STARD13: variants seen among roughly 807,000 people sequenced by gnomAD.
STARD13 encodes StAR related lipid transfer domain containing 13.
In STARD13, 62 loss-of-function variants were observed where a neutral mutation model predicts 106.4. The observed-to-expected ratio is 0.58, with a 90% CI of 0.48 to 0.72. The LOEUF is 0.72. Among genes scored for constraint, STARD13 ranks in the 30% least tolerant of loss-of-function variants. STARD13 has a pLI of 0.00. For missense variants in STARD13, 1,387 were observed against 1,424.0 expected, an observed-to-expected ratio of 0.97 and a Z score of 0.42; for synonymous variants, 565 against 553.0, an observed-to-expected ratio of 1.02 and a Z score of -0.31.
intron 4 of STARD13, among the ~76,000 whole-genome samples, chr13:33,134,350 A>T (rs895113428): frequency 8.5e-5 from 13 of 152,218 alleles, no homozygotes; most frequent in Admixed American, 8.5e-4. Flanking sequence ...GCACATCCAA[A>T]GCTGTCCTGG....
At chr13:33,636,725 C>G in the STARD13 span, among the ~76,000 whole-genome samples, 1 of 152,290 alleles carries the variant, frequency 6.6e-6, no homozygotes, top group East Asian at 1.9e-4. Flanking sequence ...AAATGAGTCA[C>G]AACAAGAAAG....
At chr13:33,357,012 T>A in the STARD13 span, among the ~76,000 whole-genome samples, 6 of 152,212 alleles carry the variant, frequency 3.9e-5, no homozygotes, top group Admixed American at 3.9e-4. Flanking sequence ...TATGTGAGAG[T>A]GTTTTATAAT....
chr13:33,385,126 A>AATATAT, the STARD13 span, among the ~76,000 whole-genome samples: 5 of 129,914 alleles, frequency 3.8e-5, no homozygotes, highest in African/African-American at 1.4e-4. Context: ...AAAGGTTCGG[A>AATATAT]ATATATATAT....
intron 1 of STARD13, among the ~76,000 whole-genome samples, chr13:33,300,856 G>A (rs1182381162): frequency 6.6e-6 from 1 of 152,054 alleles, no homozygotes; most frequent in Non-Finnish European, 1.5e-5. Flanking sequence ...CCTCCTTCTT[G>A]GTCTCTGTAT....
intron 1 of STARD13, among the ~76,000 whole-genome samples, chr13:33,239,926 G>T (rs1010735708): frequency 5.3e-5 from 8 of 151,940 alleles, no homozygotes; most frequent in Non-Finnish European, 1.0e-4. Context: ...TTTTTGCTTT[G>T]CTGCCTGTGT....
chr13:33,232,544 G>A (rs954958729), intron 1 of STARD13, among the ~76,000 whole-genome samples: 4 of 152,060 alleles, frequency 2.6e-5, no homozygotes, highest in African/African-American at 9.7e-5. Flanking sequence ...CAGGACAGGT[G>A]AAAACACAAT....
chr13:33,264,026 C>T (rs894616280), intron 1 of STARD13, among the ~76,000 whole-genome samples: 20 of 152,158 alleles, frequency 1.3e-4, no homozygotes, highest in African/African-American at 4.8e-4. Context: ...ATGCAGTCTC[C>T]ATGTGGGGAA....
chr13:33,436,181 T>C, the STARD13 span, among the ~76,000 whole-genome samples: 1 of 152,228 alleles, frequency 6.6e-6, no homozygotes, highest in Non-Finnish European at 1.5e-5. Context: ...ATTGCCCTAG[T>C]GACATTACTC....
At chr13:33,517,934 C>T in the STARD13 span, among the ~76,000 whole-genome samples, 1 of 151,550 alleles carries the variant, frequency 6.6e-6, no homozygotes, top group Non-Finnish European at 1.5e-5. Flanking sequence ...TACCTACTGG[C>T]TGCTCCCTGC....
chr13:33,464,839 A>T, the STARD13 span, among the ~76,000 whole-genome samples: 1 of 151,570 alleles, frequency 6.6e-6, no homozygotes, highest in Admixed American at 6.6e-5. Context: ...CTTGTCTCCA[A>T]AAAAAAAATT....
intron 1 of STARD13, among the ~76,000 whole-genome samples, chr13:33,184,936 C>T (rs1885606728): frequency 6.6e-6 from 1 of 152,098 alleles, no homozygotes; most frequent in Admixed American, 6.5e-5. Context: ...ATAACATGCC[C>T]ATACTTCTTT....
At chr13:33,199,895 A>T (rs1449456280) in intron 1 of STARD13, among the ~76,000 whole-genome samples, 1 of 152,230 alleles carries the variant, frequency 6.6e-6, no homozygotes, top group Admixed American at 6.5e-5. Context: ...ATGGTCCAGG[A>T]TGCAGTATAA....
intron 3 of STARD13, among the ~76,000 whole-genome samples, chr13:33,142,938 A>T (rs1215519449): frequency 6.6e-6 from 1 of 152,226 alleles, no homozygotes; most frequent in Non-Finnish European, 1.5e-5. Context: ...AGAAGTGATT[A>T]AGGGTAAAGG....
chr13:33,179,768 G>A (rs1441045366), intron 1 of STARD13, among the ~76,000 whole-genome samples: 3 of 152,178 alleles, frequency 2.0e-5, no homozygotes, highest in South Asian at 2.1e-4. Flanking sequence ...ACTATCCTCC[G>A]GGTCTCAGAG....
chr13:33,160,598 A>G (rs1882502825), intron 3 of STARD13, among the ~76,000 whole-genome samples: 1 of 152,210 alleles, frequency 6.6e-6, no homozygotes, highest in Admixed American at 6.5e-5. Context: ...ACAATAAGAA[A>G]AACAATACAG....
At chr13:33,664,965 C>T in the STARD13 span, among the ~76,000 whole-genome samples, 10 of 152,118 alleles carry the variant, frequency 6.6e-5, 1 homozygote, top group Admixed American at 2.6e-4. Context: ...CTCATCCTGA[C>T]GGAAAAGATA....
chr13:33,217,519 G>A (rs1009410220), intron 1 of STARD13, among the ~76,000 whole-genome samples: 4 of 152,218 alleles, frequency 2.6e-5, no homozygotes, highest in Admixed American at 6.5e-5. Context: ...CTGACTGCAC[G>A]TGTGGTGCAA....
downstream of STARD13, among the ~76,000 whole-genome samples, chr13:33,348,007 C>T (rs116244203): frequency 0.014 from 2,076 of 152,288 alleles, 42 homozygotes; most frequent in African/African-American, 0.046. Flanking sequence ...AGCGCCTTCA[C>T]GGAGTTGGCC....
the STARD13 span, among the ~76,000 whole-genome samples, chr13:33,609,319 C>T: frequency 6.6e-6 from 1 of 151,842 alleles, no homozygotes; most frequent in Admixed American, 6.6e-5. Flanking sequence ...CTCAAATGGA[C>T]AACAGCATAT....
Sources: gnomAD v4.1 joint callset for allele counts (sites outside exome capture counted in the v4.1 genomes callset) on GRCh38, gnomAD v4.1.1 for gene constraint, MANE v1.5 for transcripts, NCBI Gene and HGNC (gene_info 2026-07-23, HGNC 2026-07-21) for gene names.